ZBTB18: variants seen among roughly 807,000 people sequenced by gnomAD.
The protein encoded by ZBTB18 is zinc finger and BTB domain containing 18.
Under a neutral mutation model 37.7 loss-of-function variants are expected in ZBTB18, and 2 were observed. The ratio of observed to expected loss-of-function variants is 0.05; its 90% CI spans 0.02 to 0.17. The LOEUF is 0.17. Among genes scored for constraint, ZBTB18 ranks in the 10% least tolerant of loss-of-function variants. ZBTB18 has a pLI of 1.00. For synonymous variants in ZBTB18, 304 were observed against 276.5 expected (o/e 1.10, Z -0.99); for missense variants, 408 against 686.3 (o/e 0.59, Z 4.53).
In ZBTB18 at chr1:244,054,125, C is replaced by T; in HGVS notation, c.351C>T (p.Asp117=). The change falls in exon 2 of 2, where the codon GAC becomes GAT. Residue 117 remains aspartate, a synonymous_variant. Coordinates refer to ENST00000358704, the MANE Select transcript of ZBTB18 (RefSeq NM_205768.3). The surrounding 1 kb of genome is among the most constrained non-coding windows in gnomAD (Gnocchi z 9.0). ...LAAASYLHMY[D]IVKVCKKKLK... ...CTGCCAGTTATCTCCACATGTATGA[C>T]ATTGTCAAAGTCTGCAAAAAGAAGC... The T allele has an allele frequency of 2.5e-6, 4 of 1,614,130 alleles. No individual in the cohort carries two copies. The highest frequency in any genetic ancestry group is 3.4e-6 in the Non-Finnish European group (4 of 1,180,032).
chr1:244,049,258 C>G (rs1698299834), upstream of ZBTB18, among the ~76,000 whole-genome samples: 1 of 141,160 alleles, frequency 7.1e-6, no homozygotes, highest in African/African-American at 2.5e-5. Flanking sequence ...TGCGGGTTCC[C>G]GGCTCCGCGC....
upstream of ZBTB18, among the ~76,000 whole-genome samples, chr1:244,049,478 C>T (rs1698305225): frequency 6.6e-6 from 1 of 151,246 alleles, no homozygotes; most frequent in Non-Finnish European, 1.5e-5. Context: ...GGGAGGGGGC[C>T]CTCCCGGGCT....
Position 244,055,384 on chromosome 1 carries a change from TA to T in ZBTB18, c.*17del. On this transcript the variant is annotated 3_prime_UTR_variant, in exon 2 of 2. Coordinates refer to ENST00000358704, the MANE Select transcript of ZBTB18 (RefSeq NM_205768.3). This position sits in a 1 kb window ranked among gnomAD's most constrained non-coding sequence, Gnocchi z 7.0. ...CTTTGGAAATAATTTTATATATATA[TA>T]AATAATATATATATATATACATATA... 1 of 761,468 alleles carries T rather than the reference TA, an allele frequency of 1.3e-6. No individual in the cohort carries two copies. The highest frequency in any genetic ancestry group is 1.8e-6 in the Non-Finnish European group (1 of 556,114). 47.2% of individuals were successfully genotyped at this position (761,468 alleles called of 1,614,324 possible).
At chr1:244,049,680 G>T (rs576901342), upstream of ZBTB18, among the ~76,000 whole-genome samples, 1 of 152,288 alleles carries the variant, frequency 6.6e-6, no homozygotes, top group South Asian at 2.1e-4. Flanking sequence ...CTCCTTCCCT[G>T]TGGTTTTAAC....
rs2148559452 is a variant in ZBTB18 at position 244,056,822 on chromosome 1, GA to G, written c.*1453del. 1 of 167,154 alleles carries G rather than the reference GA, an allele frequency of 6.0e-6. No homozygotes were observed. The highest frequency in any genetic ancestry group is 2.4e-5 in the African/African-American group (1 of 41,542). 10.4% of individuals were successfully genotyped at this position (167,154 alleles called of 1,614,324 possible). A position where few individuals can be genotyped will look rare whatever the true frequency, so the allele number is the denominator to read the frequency against. ...CTGCAGCCTAACGTGTGGTTTTAAT[GA>G]CCAGCACGCAAGGCAAAAGCATTTT... On this transcript the variant is annotated 3_prime_UTR_variant, in exon 2 of 2. Coordinates refer to ENST00000358704, the MANE Select transcript of ZBTB18 (RefSeq NM_205768.3).
At position 244,054,621 on chromosome 1, in the gene ZBTB18, G is replaced by A. The variant is rs1259838752; in HGVS notation, c.847G>A (p.Val283Met). Residue 283 changes from valine (V) to methionine (M), a missense_variant, in exon 2 of 2, where the codon GTG becomes ATG. Around this residue, in one of 4 missense-constraint regions of ZBTB18, gnomAD observed 266 missense variants for 312.0 expected, o/e 0.85. Transcript: ENST00000358704. The surrounding 1 kb of genome is among the most constrained non-coding windows in gnomAD (Gnocchi z 9.0). ...VLRSNLVQVKVEKEASCDESD... is the reference protein window; with the variant it reads ...VLRSNLVQVKMEKEASCDESD... ...GAGAAGCAACCTGGTGCAGGTGAAG[G>A]TGGAGAAAGAGGCTTCCTGTGATGA... 6.2e-7 allele frequency: 1 copy of A among 1,614,234 alleles called. No homozygotes were observed. The highest frequency in any genetic ancestry group is 8.5e-7 in the Non-Finnish European group (1 of 1,180,040).
chr1:244,049,039 C>CGCGCCCCGGCACCCCGGCGGGCGGGGG (rs1698294474), upstream of ZBTB18: 1 of 146,250 alleles, frequency 6.8e-6, no homozygotes, highest in Non-Finnish European at 1.5e-5. Context: ...GCGCCCCCTC[C>CGCGCCCCGGCACCCCGGCGGGCGGGGG]GCGCCCCGGC....
Position 244,055,397 on chromosome 1 carries a change from T to C in ZBTB18, c.*27T>C, listed in dbSNP as rs1393773715. ...TTTATATATATATAAATAATATATA[T>C]ATATATACATATATATAAATAGATC... On this transcript the variant is annotated 3_prime_UTR_variant, in exon 2 of 2. Transcript: ENST00000358704. This position sits in a 1 kb window ranked among gnomAD's most constrained non-coding sequence, Gnocchi z 7.0. 1.6e-6 allele frequency: 1 copy of C among 637,250 alleles called. No individual in the cohort carries two copies. The highest frequency in any genetic ancestry group is 1.9e-5 in the African/African-American group (1 of 51,822). 39.5% of individuals were successfully genotyped at this position (637,250 alleles called of 1,614,324 possible).
chr1:244,055,452 A>G lies in ZBTB18; in HGVS notation c.*82A>G. Reference sequence around the variant, plus strand: ...TATAGTTGTGGTACGGTCTAAAAGCAGTCTTGTTTCCTGGAAATAAAAAGT... The same window carrying G: ...TATAGTTGTGGTACGGTCTAAAAGCGGTCTTGTTTCCTGGAAATAAAAAGT... On this transcript the variant is annotated 3_prime_UTR_variant, in exon 2 of 2. Coordinates refer to ENST00000358704, the MANE Select transcript of ZBTB18 (RefSeq NM_205768.3). This position sits in a 1 kb window ranked among gnomAD's most constrained non-coding sequence, Gnocchi z 7.0. The G allele has an allele frequency of 2.0e-6, 1 of 492,334 alleles. No individual in the cohort carries two copies. The highest frequency in any genetic ancestry group is 5.1e-5 in the Admixed American group (1 of 19,536). The allele number at this position is 492,334 out of a possible 1,614,324, so 30.5% of individuals were successfully genotyped here.
upstream of ZBTB18, chr1:244,049,143 G>A (rs948720693): frequency 1.4e-5 from 2 of 144,702 alleles, no homozygotes; most frequent in African/African-American, 5.0e-5. Context: ...CCCGCGAGTG[G>A]AGTTAGTTTG....
upstream of ZBTB18, among the ~76,000 whole-genome samples, chr1:244,051,017 A>G (rs1698338721): frequency 6.6e-6 from 1 of 152,200 alleles, no homozygotes; most frequent in Non-Finnish European, 1.5e-5. Context: ...GCTATTCCAT[A>G]AATACAGTAG....
rs1236007401 is a variant in ZBTB18 at position 244,055,184 on chromosome 1, C to A, written c.1410C>A (p.Thr470=). 1 of 1,613,926 alleles carries A rather than the reference C, an allele frequency of 6.2e-7. No individual in the cohort carries two copies. Among genetic ancestry groups the A allele is most frequent in the Non-Finnish European group, 8.5e-7 (1 of 1,180,030 alleles). The change falls in exon 2 of 2, where the codon ACC becomes ACA. Residue 470 remains threonine (T), a synonymous_variant. Coordinates refer to ENST00000358704, the MANE Select transcript of ZBTB18 (RefSeq NM_205768.3). This position sits in a 1 kb window ranked among gnomAD's most constrained non-coding sequence, Gnocchi z 7.0. The part of the protein sequence containing the change: ...HNLSRHAVVH[T]REKPHACKWC... The stretch of plus-strand genomic sequence containing the variant: ...TGAGCCGCCATGCCGTGGTGCACAC[C>A]CGCGAGAAGCCGCACGCCTGCAAGT...
In ZBTB18 at chr1:244,054,232, T is replaced by C; in HGVS notation, c.458T>C (p.Leu153Pro). ...AGTTGTTCGGACAAAGTCGAGAGTC[T>C]CTCCGATGGCAGCAGCCACATAGCA... The part of the protein sequence containing the change: ...ASSCSDKVES[L>P]SDGSSHIAGD... Residue 153 changes from leucine (L) to proline (P), a missense_variant, in exon 2 of 2, where the codon CTC (leucine) becomes CCC (proline). Around this residue, in one of 4 missense-constraint regions of ZBTB18, gnomAD observed 95 missense variants for 218.7 expected, o/e 0.43. Transcript: ENST00000358704. The surrounding 1 kb of genome is among the most constrained non-coding windows in gnomAD (Gnocchi z 9.0). The C allele has an allele frequency of 1.2e-6, 2 of 1,614,050 alleles. No homozygotes were observed. The highest frequency in any genetic ancestry group is 3.3e-4 in the Middle Eastern group (2 of 6,062).
chr1:244,050,319 TAC>T (rs1325253102), upstream of ZBTB18, among the ~76,000 whole-genome samples: 1 of 152,134 alleles, frequency 6.6e-6, no homozygotes, highest in Non-Finnish European at 1.5e-5. Flanking sequence ...CGGGTCGCGT[TAC>T]AGTTTCATCA....
chr1:244,048,628 G>GCCCCCCCCCCCCCGCCCCCCC (rs1325001619), upstream of ZBTB18, among the ~76,000 whole-genome samples: 1 of 79,442 alleles, frequency 1.3e-5, no homozygotes, highest in Non-Finnish European at 3.0e-5. Context: ...CCCCGCGCCC[G>GCCCCCCCCCCCCCGCCCCCCC]CCCCCCCCCC....
Position 244,055,471 on chromosome 1 carries a change from A to G in ZBTB18, c.*101A>G. The G allele has an allele frequency of 2.5e-6, 1 of 398,408 alleles. No individual in the cohort carries two copies. Among genetic ancestry groups the G allele is most frequent in the Non-Finnish European group, 3.8e-6 (1 of 261,068 alleles). The allele number at this position is 398,408 out of a possible 1,614,324, so 24.7% of individuals were successfully genotyped here. A position where few individuals can be genotyped will look rare whatever the true frequency, so the allele number is the denominator to read the frequency against. On this transcript the variant is annotated 3_prime_UTR_variant, in exon 2 of 2. Coordinates refer to ENST00000358704, the MANE Select transcript of ZBTB18 (RefSeq NM_205768.3). This position sits in a 1 kb window ranked among gnomAD's most constrained non-coding sequence, Gnocchi z 7.0. The stretch of plus-strand genomic sequence containing the variant: ...AAAAGCAGTCTTGTTTCCTGGAAAT[A>G]AAAAGTTGGGATATTAACTTGTTTT...
rs569201540 is a variant in ZBTB18 at position 244,055,708 on chromosome 1, C to G, written c.*338C>G. ...TGTCTTTTGAGCTCTTTTTTCCCCCCCAACAAAGTTTTTTTGTTTTTTGTT... is the reference window on the plus strand; with the variant it reads ...TGTCTTTTGAGCTCTTTTTTCCCCCGCAACAAAGTTTTTTTGTTTTTTGTT... On this transcript the variant is annotated 3_prime_UTR_variant, in exon 2 of 2. Coordinates refer to ENST00000358704, the MANE Select transcript of ZBTB18 (RefSeq NM_205768.3). This position sits in a 1 kb window ranked among gnomAD's most constrained non-coding sequence, Gnocchi z 7.0. The G allele has an allele frequency of 1.8e-5, 3 of 166,162 alleles. No homozygotes were observed. In the South Asian group the frequency reaches 6.2e-4, roughly 35 times the overall value. The allele number at this position is 166,162 out of a possible 1,614,324, so 10.3% of individuals were successfully genotyped here. A position where few individuals can be genotyped will look rare whatever the true frequency, so the allele number is the denominator to read the frequency against.
chr1:244,055,238 G>T lies in ZBTB18; in HGVS notation c.1464G>T (p.Gly488=), dbSNP rs1490821707. The T allele has an allele frequency of 1.2e-6, 2 of 1,614,046 alleles. No individual in the cohort carries two copies. Among genetic ancestry groups the T allele is most frequent in the East Asian group, 4.5e-5 (2 of 44,880 alleles). Residue 488 remains glycine, a synonymous_variant, in exon 2 of 2, where the codon GGG becomes GGT. Coordinates refer to ENST00000358704, the MANE Select transcript of ZBTB18 (RefSeq NM_205768.3). The surrounding 1 kb of genome is among the most constrained non-coding windows in gnomAD (Gnocchi z 7.0). ...KWCERRFTQS[G]DLYRHIRKFH... The stretch of plus-strand genomic sequence containing the variant: ...GCGAGCGCAGGTTCACGCAGTCCGG[G>T]GACCTGTACAGACACATTCGCAAGT...
upstream of ZBTB18, among the ~76,000 whole-genome samples, chr1:244,050,444 A>C (rs199668123): frequency 1.3e-5 from 1 of 76,508 alleles, no homozygotes; most frequent in Non-Finnish European, 2.7e-5. Context: ...ACCCCCCCCC[A>C]AAGAAAAAAA....
Sources: gnomAD v4.1 joint callset for allele counts (sites outside exome capture counted in the v4.1 genomes callset) on GRCh38, gnomAD v4.1.1 for gene constraint, gnomAD v4.1.1 regional missense constraint, Gnocchi (gnomAD v3.1) non-coding constraint, MANE v1.5 for transcripts, NCBI Gene and HGNC (gene_info 2026-07-23, HGNC 2026-07-21) for gene names.